The following ZNF761 variants were observed in gnomAD, a reference collection of about 807,000 sequenced individuals.
ZNF761 encodes the protein zinc finger protein 761.
A neutral mutation model predicts 59.9 loss-of-function variants in ZNF761; 43 were observed. The observed-to-expected ratio is 0.72, with a 90% confidence interval of 0.56 to 0.92. The LOEUF (loss-of-function observed/expected upper bound fraction) is 0.92, where lower values mean the gene tolerates loss of function less well. Ranked by LOEUF, ZNF761 falls within the 40% of genes least tolerant of loss-of-function variation. The probability of loss-of-function intolerance (pLI) is 0.00; values close to 1 mark genes in which losing one functional copy is unlikely to be tolerated. For synonymous variants in ZNF761, 294 were observed against 304.8 expected, an observed-to-expected ratio of 0.96 and a Z score of 0.37; for missense variants, 850 against 906.1, an observed-to-expected ratio of 0.94 and a Z score of 0.79.
Position 53,449,854 on chromosome 19 carries a change from A to C in ZNF761, c.142+216A>C, listed in dbSNP as rs1026926357. The C allele has an allele frequency of 4.5e-5, 51 of 1,140,500 alleles. No homozygotes were observed. In the African/African-American group the frequency reaches 6.8e-4, roughly 15 times the overall value. The allele number at this position is 1,140,500 out of a possible 1,614,324, so 70.6% of individuals were successfully genotyped here. ...GGTGCATGCCACCATGTTTGGGCAA[A>C]TTTTTTAGTTTGTTTTCTTTCCAGA... On this transcript the variant is annotated intron_variant, in intron 4 of 4. Transcript: ENST00000684525.
At chr19:53,452,932 T>C (rs2086233676) in intron 4 of ZNF761, among the ~76,000 whole-genome samples, 1 of 152,232 alleles carries the variant, frequency 6.6e-6, no homozygotes, top group African/African-American at 2.4e-5. Flanking sequence ...ATATTTTTTA[T>C]GTTTTTATTG....
intron 4 of ZNF761, among the ~76,000 whole-genome samples, chr19:53,454,175 C>G (rs1423631258): frequency 1.3e-5 from 2 of 152,158 alleles, no homozygotes; most frequent in Non-Finnish European, 2.9e-5. Context: ...AGTGCTATGA[C>G]TGTTTGACAA....
intron 1 of ZNF761, among the ~76,000 whole-genome samples, chr19:53,439,716 AT>A (rs2086079205): frequency 2.0e-5 from 3 of 152,154 alleles, no homozygotes; most frequent in Admixed American, 2.0e-4. Flanking sequence ...GCCTGTATTC[AT>A]TTGAACCTGG....
At chr19:53,441,377 C>T (rs1269221575) in intron 1 of ZNF761, among the ~76,000 whole-genome samples, 1 of 127,144 alleles carries the variant, frequency 7.9e-6, no homozygotes, top group Non-Finnish European at 1.7e-5. Flanking sequence ...ATTTCTGTTT[C>T]TTCAATTCTT....
intron 4 of ZNF761, among the ~76,000 whole-genome samples, chr19:53,452,129 A>G (rs939406935): frequency 1.3e-5 from 2 of 152,106 alleles, no homozygotes; most frequent in African/African-American, 4.8e-5. Flanking sequence ...TGGGCTGATC[A>G]CTTGAAATCA....
At chr19:53,442,896 A>C in intron 1 of ZNF761, 6 of 394,304 alleles carry the variant, frequency 1.5e-5, no homozygotes, top group Non-Finnish European at 1.9e-5. Context: ...AAAATACATA[A>C]TCACTTCTGA....
At chr19:53,439,387 G>A (rs1489531592) in intron 1 of ZNF761, among the ~76,000 whole-genome samples, 1 of 151,814 alleles carries the variant, frequency 6.6e-6, no homozygotes, top group Non-Finnish European at 1.5e-5. Flanking sequence ...CTCACTGTAA[G>A]CTCTGCCTCC....
chr19:53,435,374 G>A (rs1272936877), intron 1 of ZNF761, among the ~76,000 whole-genome samples: 1 of 125,552 alleles, frequency 8.0e-6, no homozygotes, highest in East Asian at 2.7e-4. Flanking sequence ...GCATGACCAC[G>A]GCTCACCACA....
intron 1 of ZNF761, among the ~76,000 whole-genome samples, chr19:53,441,489 C>T (rs2086099704): frequency 6.6e-6 from 1 of 150,412 alleles, no homozygotes; most frequent in Admixed American, 6.6e-5. Flanking sequence ...CGCAGTCACC[C>T]AGGCTGGAGT....
At position 53,456,715 on chromosome 19, in the gene ZNF761, T is replaced by C. The variant is rs1331140211; in HGVS notation, c.2208T>C (p.His736=). Residue 736 remains histidine, a synonymous_variant, in exon 5 of 5, where the codon CAT becomes CAC. Coordinates refer to ENST00000684525, the MANE Select transcript of ZNF761 (RefSeq NM_001289951.2). ...TFSQKSNLTC[H]RRLHTGEKQV is the part of the protein sequence containing the mutation. Reference sequence around the variant, plus strand: ...GTCAGAAGTCAAACCTTACATGCCATCGTAGACTTCATACTGGAGAAAAAC... The same window carrying C: ...GTCAGAAGTCAAACCTTACATGCCACCGTAGACTTCATACTGGAGAAAAAC... 1.2e-6 allele frequency: 2 copies of C among 1,613,752 alleles called. No homozygotes were observed. Among genetic ancestry groups the C allele is most frequent in the African/African-American group, 2.7e-5 (2 of 74,868 alleles).
intron 1 of ZNF761, among the ~76,000 whole-genome samples, chr19:53,445,918 T>C (rs2617741): frequency 0.61 from 91,973 of 151,972 alleles, 28,140 homozygotes; most frequent in South Asian, 0.77. Context: ...CCCCTGCCAG[T>C]GTCCAGCCTC....
intron 4 of ZNF761, among the ~76,000 whole-genome samples, chr19:53,451,059 C>T (rs1217537750): frequency 6.6e-6 from 1 of 150,956 alleles, no homozygotes; most frequent in East Asian, 1.9e-4. Context: ...GTATTTATGT[C>T]AGAATTATTT....
intron 1 of ZNF761, among the ~76,000 whole-genome samples, chr19:53,441,576 AT>A (rs1352537795): frequency 6.6e-6 from 1 of 151,538 alleles, no homozygotes; most frequent in Non-Finnish European, 1.5e-5. Context: ...CCTCCTGAGT[AT>A]GTGGGACTAC....
intron 1 of ZNF761, chr19:53,444,312 A>C (rs1231182234): frequency 6.6e-6 from 1 of 152,154 alleles, no homozygotes; most frequent in African/African-American, 2.4e-5. Context: ...GTAAAACCTG[A>C]TTGTACATTC....
chr19:53,451,710 G>A (rs779757662), intron 4 of ZNF761, among the ~76,000 whole-genome samples: 38 of 150,820 alleles, frequency 2.5e-4, no homozygotes, highest in Non-Finnish European at 5.2e-4. Flanking sequence ...AGTCTCCCAG[G>A]TAGCTGGGAC....
intron 1 of ZNF761, among the ~76,000 whole-genome samples, chr19:53,436,289 G>A (rs959736597): frequency 2.6e-5 from 4 of 152,208 alleles, no homozygotes; most frequent in African/African-American, 9.6e-5. Context: ...CATGTTGAAA[G>A]GGGTGTACTT....
At chr19:53,452,349 G>T (rs1379977706) in intron 4 of ZNF761, among the ~76,000 whole-genome samples, 1 of 152,170 alleles carries the variant, frequency 6.6e-6, no homozygotes, top group Non-Finnish European at 1.5e-5. Context: ...TGGGCATGCT[G>T]GCGCATGGCT....
chr19:53,451,338 G>T (rs563046995), intron 4 of ZNF761, among the ~76,000 whole-genome samples: 1 of 152,162 alleles, frequency 6.6e-6, no homozygotes, highest in Non-Finnish European at 1.5e-5. Context: ...AGTGTCATGA[G>T]TAGCTGGGAT....
At chr19:53,434,573 T>C (rs911242252) in intron 1 of ZNF761, among the ~76,000 whole-genome samples, 1 of 152,174 alleles carries the variant, frequency 6.6e-6, no homozygotes, top group African/African-American at 2.4e-5. Context: ...CACAAAGTTT[T>C]CTTTAGTGTT....
Sources: allele counts gnomAD v4.1 joint callset (sites outside exome capture counted in the v4.1 genomes callset), GRCh38; gene constraint gnomAD v4.1.1; transcripts MANE v1.5; gene names NCBI Gene and HGNC (gene_info 2026-07-23, HGNC 2026-07-21).